The following TTC23 variants were observed in gnomAD, a reference collection of about 807,000 sequenced individuals.
TTC23 encodes tetratricopeptide repeat domain 23, also known as tetratricopeptide repeat protein 23.
In TTC23, 58 loss-of-function variants were observed where a neutral mutation model predicts 55.1. The ratio of observed to expected loss-of-function variants is 1.05; its 90% CI spans 0.85 to 1.31. The LOEUF is 1.31. TTC23 is among the 50% of genes most tolerant of loss of function. The probability of loss-of-function intolerance (pLI) is 0.00; values close to 1 mark genes in which losing one functional copy is unlikely to be tolerated. For synonymous variants in TTC23, 203 were observed against 199.9 expected (o/e 1.02, Z -0.13); for missense variants, 516 against 534.4 (o/e 0.97, Z 0.34).
intron 8 of TTC23, among the ~76,000 whole-genome samples, chr15:99,212,937 A>T (rs1381280710): frequency 6.9e-6 from 1 of 144,834 alleles, no homozygotes; most frequent in African/African-American, 2.6e-5. Flanking sequence ...GTGAGCTGTC[A>T]CTGTGAAACT....
intron 1 of TTC23, among the ~76,000 whole-genome samples, chr15:99,247,423 A>G (rs570459949): frequency 1.1e-4 from 16 of 152,364 alleles, no homozygotes; most frequent in Non-Finnish European, 1.3e-4. Flanking sequence ...CTGTAATACA[A>G]TTACAATTAG....
intron 1 of TTC23, among the ~76,000 whole-genome samples, chr15:99,247,089 G>A (rs887953744): frequency 6.6e-6 from 1 of 152,202 alleles, no homozygotes; most frequent in African/African-American, 2.4e-5. Context: ...TCAGTCATCA[G>A]GAAAATGCAA....
chr15:99,243,474 T>C (rs1217466493), intron 2 of TTC23, among the ~76,000 whole-genome samples: 1 of 152,204 alleles, frequency 6.6e-6, no homozygotes, highest in African/African-American at 2.4e-5. Context: ...AACTACCATA[T>C]GATCCAGCAG....
At chr15:99,187,452 C>CAAAAAAAAAAAAAAGAAAAA (rs2074783387) in intron 9 of TTC23, among the ~76,000 whole-genome samples, 1 of 44,506 alleles carries the variant, frequency 2.2e-5, no homozygotes, top group Non-Finnish European at 4.0e-5. Flanking sequence ...AAAGCACAAG[C>CAAAAAAAAAAAAAAGAAAAA]AAAAAAAAAA....
At chr15:99,240,395 A>G (rs531333986) in intron 3 of TTC23, among the ~76,000 whole-genome samples, 1 of 151,922 alleles carries the variant, frequency 6.6e-6, no homozygotes, top group Admixed American at 6.6e-5. Context: ...GTATATATAT[A>G]TTTTTTTTCG....
chr15:99,155,784 A>C, intron 12 of TTC23: 3 of 301,080 alleles, frequency 1.0e-5, no homozygotes, highest in Non-Finnish European at 1.8e-5. Context: ...TGCCATCCAC[A>C]CAAATAAACT....
chr15:99,206,560 T>C (rs994687746), intron 8 of TTC23, among the ~76,000 whole-genome samples: 2 of 152,180 alleles, frequency 1.3e-5, no homozygotes, highest in African/African-American at 2.4e-5. Flanking sequence ...TAGGAACTTA[T>C]CCATTTATTC....
chr15:99,154,426 A>T (rs2070266144), intron 12 of TTC23, among the ~76,000 whole-genome samples: 1 of 151,990 alleles, frequency 6.6e-6, no homozygotes, highest in Non-Finnish European at 1.5e-5. Flanking sequence ...GGCCATGAGG[A>T]CTCTGCCCTC....
intron 4 of TTC23, among the ~76,000 whole-genome samples, chr15:99,234,538 A>AT (rs2079163676): frequency 6.6e-6 from 1 of 151,652 alleles, no homozygotes; most frequent in Admixed American, 6.6e-5. Context: ...GCCTGGCTAA[A>AT]TTTTTTTGTA....
chr15:99,200,865 C>T (rs1415922189), intron 8 of TTC23, among the ~76,000 whole-genome samples: 2 of 152,200 alleles, frequency 1.3e-5, no homozygotes, highest in African/African-American at 4.8e-5. Flanking sequence ...ACAGTAAGTA[C>T]ATCTATACTG....
chr15:99,243,458 TAGA>T (rs1240405021), intron 2 of TTC23, among the ~76,000 whole-genome samples: 1 of 152,106 alleles, frequency 6.6e-6, no homozygotes, highest in Non-Finnish European at 1.5e-5. Context: ...AAGCTAAAAA[TAGA>T]AGAACTACCA....
chr15:99,228,641 A>C lies in TTC23; in HGVS notation c.72T>G (p.His24Gln). Residue 24 changes from histidine to glutamine, a missense_variant, in exon 5 of 14, where the codon CAT becomes CAG. Transcript: ENST00000394132. ...DEVVAAVSITHRKKFQNKLLQ... is the reference protein window; with the variant it reads ...DEVVAAVSITQRKKFQNKLLQ... ...GCAGCTTGTTTTGGAACTTCTTTCT[A>C]TGAGTGATGCTAACAGCAGCAACAA... 6.2e-7 allele frequency: 1 copy of C among 1,613,860 alleles called. No individual in the cohort carries two copies.
chr15:99,237,509 G>A (rs1176655620), intron 3 of TTC23, among the ~76,000 whole-genome samples: 1 of 152,140 alleles, frequency 6.6e-6, no homozygotes, highest in African/African-American at 2.4e-5. Flanking sequence ...TCTCAAAATA[G>A]TTATGCCGAG....
chr15:99,245,009 G>A (rs2080118793), intron 2 of TTC23, among the ~76,000 whole-genome samples: 1 of 152,166 alleles, frequency 6.6e-6, no homozygotes, highest in African/African-American at 2.4e-5. Flanking sequence ...GATCTCAGAT[G>A]TTCTCATCAC....
intron 3 of TTC23, among the ~76,000 whole-genome samples, chr15:99,239,482 C>A (rs2079590106): frequency 6.6e-6 from 1 of 150,894 alleles, no homozygotes; most frequent in East Asian, 1.9e-4. Flanking sequence ...GAGACTCTGT[C>A]TCAAAAAAAA....
intron 12 of TTC23, among the ~76,000 whole-genome samples, chr15:99,141,204 G>T (rs1225291749): frequency 6.6e-6 from 1 of 151,718 alleles, no homozygotes; most frequent in African/African-American, 2.4e-5. Flanking sequence ...ACTGTGATAT[G>T]TATATATTAT....
chr15:99,208,250 T>TTA (rs1420665573), intron 8 of TTC23, among the ~76,000 whole-genome samples: 5 of 151,856 alleles, frequency 3.3e-5, no homozygotes, highest in South Asian at 2.1e-4. Context: ...ATGACAAATT[T>TTA]TATATATATA....
At chr15:99,205,485 A>C (rs530049838) in intron 8 of TTC23, among the ~76,000 whole-genome samples, 43 of 151,708 alleles carry the variant, frequency 2.8e-4, no homozygotes, top group Non-Finnish European at 5.3e-4. Flanking sequence ...TATAGTTTTC[A>C]TTGTAGAGAT....
rs1376388024 is a variant in TTC23 at position 99,228,540 on chromosome 15, C to A, written c.173G>T (p.Ser58Ile). ...CEEKAKSYSN[S>I]HEYKQAVHEL... Reference sequence around the variant, plus strand: ...AAACAAAAGTCTCCTTACCTCATGACTGTTGGAATAGGACTTTGCTTTCTC... The same window carrying A: ...AAACAAAAGTCTCCTTACCTCATGAATGTTGGAATAGGACTTTGCTTTCTC... Residue 58 changes from serine (S) to isoleucine (I), a missense_variant, in exon 5 of 14, where the codon AGT becomes ATT. Ser to Ile is a moderately radical substitution (Grantham distance 142). Coordinates refer to ENST00000394132, the MANE Select transcript of TTC23 (RefSeq NM_001288615.3). 6 of 1,609,856 alleles carry A rather than the reference C, an allele frequency of 3.7e-6. No homozygotes were observed. Among genetic ancestry groups the A allele is most frequent in the Non-Finnish European group, 5.1e-6 (6 of 1,177,680 alleles).
Sources: allele counts gnomAD v4.1 joint callset (sites outside exome capture counted in the v4.1 genomes callset), GRCh38; gene constraint gnomAD v4.1.1; transcripts MANE v1.5; gene names NCBI Gene and HGNC (gene_info 2026-07-23, HGNC 2026-07-21).